MFHAS1: variants seen among roughly 807,000 people sequenced by gnomAD.
MFHAS1 encodes multifunctional ROCO family signaling regulator 1, also known as malignant fibrous histiocytoma-amplified sequence 1.
A neutral mutation model predicts 70.4 loss-of-function variants in MFHAS1; 50 were observed. The ratio of observed to expected loss-of-function variants is 0.71; its 90% confidence interval spans 0.57 to 0.90. The LOEUF is 0.90. Among genes scored for constraint, MFHAS1 ranks in the 40% least tolerant of loss-of-function variants. The pLI, the probability that MFHAS1 is intolerant of heterozygous loss-of-function variation, is 0.00. For synonymous variants in MFHAS1, 952 were observed against 620.0 expected (o/e 1.54, Z -7.96); for missense variants, 1,795 against 1,347.6 (o/e 1.33, Z -5.20).
intron 1 of MFHAS1, among the ~76,000 whole-genome samples, chr8:8,824,745 T>A (rs555684884): frequency 6.6e-6 from 1 of 152,260 alleles, no homozygotes; most frequent in South Asian, 2.1e-4. Flanking sequence ...AGGCAAGGAA[T>A]CTAGAGTGAG....
chr8:8,787,076 A>G (rs1424798418), intron 2 of MFHAS1, among the ~76,000 whole-genome samples: 1 of 101,484 alleles, frequency 9.9e-6, no homozygotes. Context: ...CTTACTCAGT[A>G]TTATTATTAT....
At chr8:8,881,700 G>A (rs1809528948) in intron 1 of MFHAS1, among the ~76,000 whole-genome samples, 1 of 152,116 alleles carries the variant, frequency 6.6e-6, no homozygotes, top group African/African-American at 2.4e-5. Flanking sequence ...CAGGCGTGGT[G>A]GCAGTTGCCT....
intron 2 of MFHAS1, among the ~76,000 whole-genome samples, chr8:8,787,223 T>C (rs1004148698): frequency 6.6e-6 from 1 of 151,982 alleles, no homozygotes; most frequent in Non-Finnish European, 1.5e-5. Flanking sequence ...TAGGACTACA[T>C]GTGCCCGCCA....
At chr8:8,869,141 G>T (rs1210025774) in intron 1 of MFHAS1, among the ~76,000 whole-genome samples, 4 of 152,144 alleles carry the variant, frequency 2.6e-5, no homozygotes, top group Non-Finnish European at 5.9e-5. Context: ...GTGCCATCAT[G>T]CAGCTGTTAA....
intron 1 of MFHAS1, among the ~76,000 whole-genome samples, chr8:8,879,177 C>T (rs1435552238): frequency 2.6e-5 from 4 of 152,024 alleles, no homozygotes; most frequent in Admixed American, 1.3e-4. Flanking sequence ...GATGAAACCC[C>T]GTCTCTACTA....
In MFHAS1 at chr8:8,785,886, G is replaced by T. The variant is rs548837885; in HGVS notation, c.*136C>A. 1 of 337,278 alleles carries T rather than the reference G, an allele frequency of 3.0e-6. No homozygotes were observed. The highest frequency in any genetic ancestry group is 3.0e-5 in the South Asian group (1 of 33,208). 20.9% of individuals were successfully genotyped at this position (337,278 alleles called of 1,614,324 possible). ...CACCTCTTCCCCAGTCGTCCAAAAA[G>T]CACCCTGCAAGCACGCGTTGTCACT... is the stretch of plus-strand genomic sequence containing the variant. On this transcript the variant is annotated 3_prime_UTR_variant, in exon 3 of 3. Transcript: ENST00000276282.
intron 1 of MFHAS1, among the ~76,000 whole-genome samples, chr8:8,854,586 G>A (rs1176453918): frequency 6.6e-6 from 1 of 151,390 alleles, no homozygotes; most frequent in East Asian, 1.9e-4. Context: ...TCAGGAGGCC[G>A]AGGTATGAGA....
chr8:8,844,658 A>G (rs1238814981), intron 1 of MFHAS1, among the ~76,000 whole-genome samples: 1 of 152,100 alleles, frequency 6.6e-6, no homozygotes, highest in Non-Finnish European at 1.5e-5. Flanking sequence ...ACCATCTCTC[A>G]TGCACCACCC....
At chr8:8,862,304 C>T (rs951344986) in intron 1 of MFHAS1, among the ~76,000 whole-genome samples, 1 of 151,638 alleles carries the variant, frequency 6.6e-6, no homozygotes, top group Non-Finnish European at 1.5e-5. Flanking sequence ...CTTATACTTA[C>T]CTGCTATTCA....
chr8:8,870,523 T>C (rs1938379367), intron 1 of MFHAS1, among the ~76,000 whole-genome samples: 1 of 152,130 alleles, frequency 6.6e-6, no homozygotes, highest in South Asian at 2.1e-4. Context: ...CGTGCATTGA[T>C]AAATGAATAG....
intron 2 of MFHAS1, among the ~76,000 whole-genome samples, chr8:8,791,356 G>A (rs113035388): frequency 2.6e-5 from 4 of 152,228 alleles, no homozygotes; most frequent in South Asian, 2.1e-4. Context: ...AATGTGGGTC[G>A]CATTCCAGTA....
At chr8:8,843,313 G>C (rs1473753516) in intron 1 of MFHAS1, among the ~76,000 whole-genome samples, 1 of 151,600 alleles carries the variant, frequency 6.6e-6, no homozygotes, top group African/African-American at 2.4e-5. Flanking sequence ...GCCAGGTGCT[G>C]TGACTCACAC....
intron 1 of MFHAS1, among the ~76,000 whole-genome samples, chr8:8,837,553 G>C (rs1224051749): frequency 6.6e-6 from 1 of 151,942 alleles, no homozygotes; most frequent in Non-Finnish European, 1.5e-5. Context: ...TGAGGCACAA[G>C]AATTCCTTGA....
At position 8,828,822 on chromosome 8, in the gene MFHAS1, A is replaced by G. The variant is rs557876379; in HGVS notation, c.2999-31331T>C. Among the ~76,000 whole-genome samples, 5 of 152,304 alleles carry G rather than the reference A, an allele frequency of 3.3e-5. No homozygotes were observed. In the South Asian group the frequency reaches 8.3e-4, roughly 25 times the overall value. Reference sequence around the variant, plus strand: ...AGCAAAAGTGGAGAACTGAGGGGACAGGATTTGCTGCTTTAGATTTATGAG... The same window carrying G: ...AGCAAAAGTGGAGAACTGAGGGGACGGGATTTGCTGCTTTAGATTTATGAG... On this transcript the variant is annotated intron_variant, in intron 1 of 2. Transcript: ENST00000276282.
chr8:8,826,652 G>C (rs940600628), intron 1 of MFHAS1, among the ~76,000 whole-genome samples: 5 of 152,190 alleles, frequency 3.3e-5, no homozygotes, highest in African/African-American at 1.2e-4. Context: ...ACAATCGCTT[G>C]AACCCAGAAG....
rs895483049 is a variant in MFHAS1, at chr8:8,784,883, G to T, written c.*1139C>A. The T allele has an allele frequency of 3.9e-5, 6 of 152,118 alleles. No individual in the cohort carries two copies. The highest frequency in any genetic ancestry group is 1.4e-4 in the African/African-American group (6 of 41,418). 9.4% of individuals were successfully genotyped at this position (152,118 alleles called of 1,614,324 possible). ...TACCTTGTGAAGATTTTAAAACAAG[G>T]GTATTACTAGTTCTTGGCAGGAGAC... On this transcript the variant is annotated 3_prime_UTR_variant, in exon 3 of 3. Coordinates refer to ENST00000276282, the MANE Select transcript of MFHAS1 (RefSeq NM_004225.3).
intron 1 of MFHAS1, among the ~76,000 whole-genome samples, chr8:8,857,160 A>C (rs1215005333): frequency 6.6e-6 from 1 of 152,178 alleles, no homozygotes; most frequent in African/African-American, 2.4e-5. Context: ...GAAGGGAAAA[A>C]AGAAGCCTAT....
rs765252930 is a variant in MFHAS1 at position 8,890,979 on chromosome 8, C to T, written c.2080G>A (p.Gly694Ser). 2 of 1,613,944 alleles carry T rather than the reference C, an allele frequency of 1.2e-6. No homozygotes were observed. The highest frequency in any genetic ancestry group is 2.2e-5 in the East Asian group (1 of 44,866). The change falls in exon 1 of 3, where the codon GGT becomes AGT. Residue 694 changes from glycine to serine, a missense_variant. Gly to Ser is a moderately conservative substitution (Grantham distance 56). Coordinates refer to ENST00000276282, the MANE Select transcript of MFHAS1 (RefSeq NM_004225.3). ...CTCTGCAGTCGGTCCTCGGTCAGAC[C>T]CGCCTGCAGGCCCAAGCGCGCCGAG... is the stretch of plus-strand genomic sequence containing the variant. ...WDSARLGLQA[G>S]LTEDRLQSAL...
At chr8:8,887,443 T>A (rs1809803367) in intron 1 of MFHAS1, among the ~76,000 whole-genome samples, 2 of 151,856 alleles carry the variant, frequency 1.3e-5, no homozygotes, top group South Asian at 4.1e-4. Context: ...ATAATCATGT[T>A]TTCTACTATT....
Sources: allele counts gnomAD v4.1 joint callset (sites outside exome capture counted in the v4.1 genomes callset), GRCh38; gene constraint gnomAD v4.1.1; transcripts MANE v1.5; gene names NCBI Gene and HGNC (gene_info 2026-07-23, HGNC 2026-07-21).